FHOD3: variants seen among roughly 807,000 people sequenced by gnomAD.
FHOD3 encodes the protein FH1/FH2 domain-containing protein 3.
FHOD3 carries 90 observed loss-of-function variants against 173.0 expected under a neutral mutation model. That is an observed-to-expected ratio of 0.52 (90% CI 0.44 to 0.62). The LOEUF (loss-of-function observed/expected upper bound fraction) is 0.62, where lower values mean the gene tolerates loss of function less well. Among genes scored for constraint, FHOD3 ranks in the 20% least tolerant of loss-of-function variants. The probability of loss-of-function intolerance (pLI) is 0.00; values close to 1 mark genes in which losing one functional copy is unlikely to be tolerated. For synonymous variants in FHOD3, 828 were observed against 823.0 expected, an observed-to-expected ratio of 1.01 and a Z score of -0.10; for missense variants, 1,945 against 2,034.7, an observed-to-expected ratio of 0.96 and a Z score of 0.85.
chr18:36,721,486 C>T (rs2040786316), intron 19 of FHOD3, among the ~76,000 whole-genome samples: 1 of 152,044 alleles, frequency 6.6e-6, no homozygotes, highest in African/African-American at 2.4e-5. Context: ...ATAAAATGTA[C>T]ACACACGCAC....
intron 3 of FHOD3, among the ~76,000 whole-genome samples, chr18:36,406,502 G>C (rs1275944091): frequency 6.6e-6 from 1 of 152,144 alleles, no homozygotes; most frequent in Non-Finnish European, 1.5e-5. Context: ...TTGGGGGTGG[G>C]GAGAGAGGGA....
chr18:36,693,186 A>G (rs141536967), intron 16 of FHOD3, 23 bp from the exon 17 acceptor site: 20 of 1,604,222 alleles, frequency 1.2e-5, no homozygotes, highest in Non-Finnish European at 3.4e-6. Flanking sequence ...TTTGACGGAA[A>G]CCCTTTGGAA....
intron 15 of FHOD3, among the ~76,000 whole-genome samples, chr18:36,682,364 C>T (rs1468174476): frequency 1.3e-5 from 2 of 152,106 alleles, no homozygotes; most frequent in South Asian, 2.1e-4. Flanking sequence ...TCTTCCCCAC[C>T]TCCTCCTATA....
At chr18:36,599,014 T>C (rs1214318288) in intron 7 of FHOD3, among the ~76,000 whole-genome samples, 6 of 152,234 alleles carry the variant, frequency 3.9e-5, no homozygotes, top group Admixed American at 3.9e-4. Flanking sequence ...TCACTTTCTC[T>C]TTCTGGTGGC....
chr18:36,648,716 C>T (rs1489792976), intron 10 of FHOD3, among the ~76,000 whole-genome samples: 2 of 152,086 alleles, frequency 1.3e-5, no homozygotes, highest in Non-Finnish European at 2.9e-5. Flanking sequence ...GGACTATGTG[C>T]TACCCTTGAA....
chr18:36,676,253 A>G (rs980428900), intron 14 of FHOD3, among the ~76,000 whole-genome samples: 6 of 152,330 alleles, frequency 3.9e-5, no homozygotes, highest in African/African-American at 1.4e-4. Context: ...TTTGCCATAC[A>G]TGTATTTAAA....
chr18:36,612,157 G>A, intron 9 of FHOD3, 62 bp downstream of exon 9: 2 of 1,565,766 alleles, frequency 1.3e-6, no homozygotes, highest in South Asian at 1.2e-5. Context: ...AGGCTGAGAT[G>A]GCGCCTACTT....
intron 24 of FHOD3, among the ~76,000 whole-genome samples, chr18:36,754,741 T>G (rs1043479581): frequency 6.6e-6 from 1 of 151,798 alleles, no homozygotes; most frequent in African/African-American, 2.4e-5. Context: ...AAAATACCAC[T>G]TTAACATTTT....
intron 1 of FHOD3, among the ~76,000 whole-genome samples, chr18:36,349,743 G>A (rs896387600): frequency 7.9e-5 from 12 of 152,264 alleles, no homozygotes; most frequent in Middle Eastern, 3.4e-3. Flanking sequence ...CCTTTGAGAT[G>A]TTTGGGTGTT....
rs533296320 is a variant in FHOD3, at chr18:36,675,478, T to G, written c.1836-5958T>G. ...TTTTGCTTCTCTCAAATGCACAATC[T>G]CTCTCCCAGTGCACAGCCCTGAGAC... On this transcript the variant is annotated intron_variant, in intron 14 of 28. Coordinates refer to ENST00000590592, the MANE Select transcript of FHOD3 (RefSeq NM_001281740.3). 1.4e-4 allele frequency among the ~76,000 whole-genome samples: 22 copies of G among 152,188 alleles called. No individual in the cohort carries two copies. The East Asian group carries it at 4.3e-3, about 29-fold the overall frequency.
chr18:36,616,594 A>G (rs1156333061), intron 9 of FHOD3, among the ~76,000 whole-genome samples: 3 of 152,234 alleles, frequency 2.0e-5, no homozygotes, highest in South Asian at 4.1e-4. Flanking sequence ...TCACAAATGA[A>G]GCATATTTGT....
chr18:36,743,713 G>A (rs2042018646), intron 22 of FHOD3, among the ~76,000 whole-genome samples: 1 of 152,166 alleles, frequency 6.6e-6, no homozygotes, highest in Admixed American at 6.6e-5. Flanking sequence ...CTTTGTCCAG[G>A]AAGTAGACAA....
In FHOD3 at chr18:36,691,270, A is replaced by C. The variant is rs147689288; in HGVS notation, c.2022-1939A>C. On this transcript the variant is annotated intron_variant, in intron 16 of 28. Coordinates refer to ENST00000590592, the MANE Select transcript of FHOD3 (RefSeq NM_001281740.3). ...TTTCATTGAGGGCTTCATCACCACCACCCACTCCAGACTCATTTGATTTCT... is the reference window on the plus strand; with the variant it reads ...TTTCATTGAGGGCTTCATCACCACCCCCCACTCCAGACTCATTTGATTTCT... Among the ~76,000 whole-genome samples the C allele has an allele frequency of 6.1e-4, 93 of 152,138 alleles. No individual in the cohort carries two copies. The East Asian group carries it at 0.014, about 22-fold the overall frequency.
intron 6 of FHOD3, among the ~76,000 whole-genome samples, chr18:36,580,900 A>T (rs970263450): frequency 2.0e-5 from 3 of 152,224 alleles, no homozygotes; most frequent in African/African-American, 7.2e-5. Flanking sequence ...GGTTACCTTG[A>T]CATCCAGTTG....
intron 20 of FHOD3, among the ~76,000 whole-genome samples, chr18:36,731,272 A>G (rs901446318): frequency 1.3e-5 from 2 of 152,290 alleles, no homozygotes; most frequent in Non-Finnish European, 2.9e-5. Context: ...AAGCTTTAGC[A>G]TTTGTTGATC....
At chr18:36,427,610 C>T (rs1276093461) in intron 3 of FHOD3, among the ~76,000 whole-genome samples, 6 of 152,302 alleles carry the variant, frequency 3.9e-5, no homozygotes, top group South Asian at 4.1e-4. Flanking sequence ...TTCACTCTTG[C>T]GGATTTAATA....
chr18:36,773,351 G>T (rs560155413), intron 28 of FHOD3, among the ~76,000 whole-genome samples: 2 of 152,330 alleles, frequency 1.3e-5, no homozygotes, highest in South Asian at 4.1e-4. Context: ...ACCTCTGAGA[G>T]CCTTTTTGAG....
At chr18:36,555,677 G>C (rs2057850725) in intron 5 of FHOD3, among the ~76,000 whole-genome samples, 1 of 151,932 alleles carries the variant, frequency 6.6e-6, no homozygotes, top group African/African-American at 2.4e-5. Context: ...TTCTCCTTTA[G>C]TTCTATCAAT....
chr18:36,649,451 C>G, intron 11 of FHOD3, 46 bp downstream of exon 11: 1 of 1,427,944 alleles, frequency 7.0e-7, no homozygotes, highest in Non-Finnish European at 9.5e-7. Flanking sequence ...AAGTGGGAGA[C>G]TCCTTCCTAA....
Sources: gnomAD v4.1 joint callset for allele counts (sites outside exome capture counted in the v4.1 genomes callset) on GRCh38, gnomAD v4.1.1 for gene constraint, MANE v1.5 for transcripts, NCBI Gene and HGNC (gene_info 2026-07-23, HGNC 2026-07-21) for gene names.